Variants in TMCC2 observed in about 807,000 individuals in gnomAD.
TMCC2 encodes the protein transmembrane and coiled-coil domains protein 2.
Under a neutral mutation model 49.4 loss-of-function variants are expected in TMCC2, and 16 were observed. The observed-to-expected ratio is 0.32, with a 90% CI of 0.22 to 0.49. The LOEUF is 0.49. TMCC2 is among the 20% of genes least tolerant of loss of function. TMCC2 has a pLI of 0.99. For synonymous variants in TMCC2, 397 were observed against 434.1 expected, an observed-to-expected ratio of 0.91 and a Z score of 1.06; for missense variants, 762 against 989.8, an observed-to-expected ratio of 0.77 and a Z score of 3.09.
intron 2 of TMCC2, among the ~76,000 whole-genome samples, chr1:205,254,676 A>G (rs1660792465): frequency 6.6e-6 from 1 of 152,128 alleles, no homozygotes; most frequent in Admixed American, 6.5e-5. Context: ...ATAACCTTCC[A>G]TTAGGGAGCT....
chr1:205,243,876 G>A (rs1004352439), intron 2 of TMCC2, among the ~76,000 whole-genome samples: 2 of 152,222 alleles, frequency 1.3e-5, no homozygotes, highest in African/African-American at 4.8e-5. Flanking sequence ...CGAATGAGAA[G>A]GAGGCTGTGG....
chr1:205,270,946 G>A (rs1661563642), intron 3 of TMCC2, among the ~76,000 whole-genome samples, 174 bp from the exon 4 acceptor site: 1 of 152,230 alleles, frequency 6.6e-6, no homozygotes, highest in African/African-American at 2.4e-5. Flanking sequence ...CACCTAAGAA[G>A]TGCTGTGTAA....
At chr1:205,257,414 G>A (rs1450408643) in intron 2 of TMCC2, 2 of 1,231,666 alleles carry the variant, frequency 1.6e-6, no homozygotes, top group Non-Finnish European at 2.0e-6. Flanking sequence ...GGGCGGGGTG[G>A]AGTTGGGGGA....
At chr1:205,242,082 G>A (rs1405369504) in intron 2 of TMCC2, 38 bp downstream of exon 2, 2 of 1,531,816 alleles carry the variant, frequency 1.3e-6, no homozygotes, top group South Asian at 2.6e-5. Flanking sequence ...AGACTCAGAG[G>A]CAAGGGCCAT....
rs1385278482 is a variant in TMCC2 at position 205,229,558 on chromosome 1, GT to G, written c.207+788del. 3,311 of 460,334 alleles carry G rather than the reference GT, an allele frequency of 7.2e-3. 13 individuals are homozygous for G. The highest frequency in any genetic ancestry group is 0.042 in the Admixed American group (167 of 3,978). 28.5% of individuals were successfully genotyped at this position (460,334 alleles called of 1,614,324 possible). ...TCTGTGAAGGGGCGGGGGGGGGGGG[GT>G]GGTGGCGGGGGCGGGGGGGGAAGGT... On this transcript the variant is annotated intron_variant, in intron 1 of 4. Coordinates refer to ENST00000358024, the MANE Select transcript of TMCC2 (RefSeq NM_014858.4).
intron 2 of TMCC2, among the ~76,000 whole-genome samples, chr1:205,266,941 G>A (rs1668872): frequency 0.25 from 37,790 of 152,262 alleles, 6,203 homozygotes; most frequent in Non-Finnish European, 0.36. Flanking sequence ...AACAAGGCAG[G>A]AAGAAGCAGC....
At chr1:205,265,992 A>C (rs1661306484) in intron 2 of TMCC2, among the ~76,000 whole-genome samples, 1 of 151,568 alleles carries the variant, frequency 6.6e-6, no homozygotes, top group Non-Finnish European at 1.5e-5. Context: ...CTGTAATCCC[A>C]GCACTTTGGG....
intron 2 of TMCC2, among the ~76,000 whole-genome samples, chr1:205,259,843 G>A (rs1022327024): frequency 1.3e-5 from 2 of 152,232 alleles, no homozygotes; most frequent in African/African-American, 2.4e-5. Flanking sequence ...GTGCCACCAA[G>A]GCCATGTGGA....
chr1:205,263,636 A>G (rs754699361), intron 2 of TMCC2, among the ~76,000 whole-genome samples: 2 of 151,912 alleles, frequency 1.3e-5, no homozygotes, highest in South Asian at 4.2e-4. Flanking sequence ...GCTGCAGTGA[A>G]CCATGATTAC....
intron 1 of TMCC2, among the ~76,000 whole-genome samples, chr1:205,231,333 G>T (rs142466316): frequency 0.015 from 2,347 of 152,090 alleles, 60 homozygotes; most frequent in African/African-American, 0.051. Flanking sequence ...GTCTTGCTCT[G>T]TCACTCAGGC....
Position 205,239,532 on chromosome 1 carries a change from T to A in TMCC2, c.208-1973T>A, listed in dbSNP as rs1367427357. Among the ~76,000 whole-genome samples, 3 of 152,212 alleles carry A rather than the reference T, an allele frequency of 2.0e-5. No individual in the cohort carries two copies. In the East Asian group the frequency reaches 5.8e-4, roughly 29 times the overall value. On this transcript the variant is annotated intron_variant, in intron 1 of 4. Coordinates refer to ENST00000358024, the MANE Select transcript of TMCC2 (RefSeq NM_014858.4). ...TCTCGAGGGCTGCCCCAGAATTCAG[T>A]TCTTGAGAAGGAATCATGGTAGCCT...
chr1:205,249,987 G>A (rs1336804570), intron 2 of TMCC2, among the ~76,000 whole-genome samples: 4 of 152,226 alleles, frequency 2.6e-5, no homozygotes, highest in Non-Finnish European at 5.9e-5. Context: ...CTTGTGCCTG[G>A]AGATCCGAGA....
In TMCC2 at chr1:205,228,610, G is replaced by A; in HGVS notation, c.46G>A (p.Glu16Lys). 6.2e-7 allele frequency: 1 copy of A among 1,612,980 alleles called. No homozygotes were observed. The highest frequency in any genetic ancestry group is 8.5e-7 in the Non-Finnish European group (1 of 1,179,488). The change falls in exon 1 of 5, where the codon GAG becomes AAG. Residue 16 changes from glutamate to lysine, a missense_variant. Glu to Lys is a moderately conservative substitution (Grantham distance 56). Coordinates refer to ENST00000358024, the MANE Select transcript of TMCC2 (RefSeq NM_014858.4). The stretch of plus-strand genomic sequence containing the variant: ...CGAGCTGCAGCAACAACAGGGCGAG[G>A]AGGATGGAGCTGGGCTGGAAGATGC... Reference protein sequence around the residue: ...SDELQQQQGEEDGAGLEDAAS... With the variant: ...SDELQQQQGEKDGAGLEDAAS...
chr1:205,229,554 G>GC, intron 1 of TMCC2: 2 of 699,234 alleles, frequency 2.9e-6, no homozygotes, highest in Non-Finnish European at 3.4e-6. Context: ...GCGGGGGGGG[G>GC]GGGGTGGTGG....
At chr1:205,259,303 A>T (rs1380165995) in intron 2 of TMCC2, among the ~76,000 whole-genome samples, 2 of 90,434 alleles carry the variant, frequency 2.2e-5, no homozygotes, top group African/African-American at 8.6e-5. Flanking sequence ...TGGGGACCCT[A>T]ACGGGTTCTT....
At chr1:205,229,378 G>A (rs1162805794) in intron 1 of TMCC2, among the ~76,000 whole-genome samples, 1 of 151,718 alleles carries the variant, frequency 6.6e-6, no homozygotes, top group Non-Finnish European at 1.5e-5. Flanking sequence ...TAGTAGAGAC[G>A]GGGTTTCGCC....
At chr1:205,260,113 G>C (rs1371355695) in intron 2 of TMCC2, among the ~76,000 whole-genome samples, 4 of 152,194 alleles carry the variant, frequency 2.6e-5, no homozygotes, top group African/African-American at 9.7e-5. Flanking sequence ...TCTCCTCTTA[G>C]AGCTTGCCCA....
chr1:205,242,591 C>A (rs982894212), intron 2 of TMCC2, among the ~76,000 whole-genome samples: 1 of 152,218 alleles, frequency 6.6e-6, no homozygotes, highest in African/African-American at 2.4e-5. Flanking sequence ...TTTAGCACTT[C>A]ATGAATTTAT....
chr1:205,238,127 TAGTC>T (rs1174406235), intron 1 of TMCC2, among the ~76,000 whole-genome samples: 3 of 152,214 alleles, frequency 2.0e-5, no homozygotes, highest in African/African-American at 4.8e-5. Context: ...TGGAACCTGT[TAGTC>T]AGAGCAGGTG....
Sources: gnomAD v4.1 joint callset for allele counts (sites outside exome capture counted in the v4.1 genomes callset) on GRCh38, gnomAD v4.1.1 for gene constraint, MANE v1.5 for transcripts, NCBI Gene and HGNC (gene_info 2026-07-23, HGNC 2026-07-21) for gene names.